Variants in PP2D1 observed in about 807,000 individuals in gnomAD.
PP2D1 encodes protein phosphatase 2C-like domain-containing protein 1.
In PP2D1, 25 loss-of-function variants were observed where a neutral mutation model predicts 30.2. That is an observed-to-expected ratio of 0.83 (90% CI 0.60 to 1.16). PP2D1 has a LOEUF of 1.16. Among genes scored for constraint, PP2D1 ranks in the 50% most tolerant of loss-of-function variants. PP2D1 has a pLI of 0.00. For synonymous variants in PP2D1, 260 were observed against 258.9 expected, an observed-to-expected ratio of 1.00 and a Z score of -0.04; for missense variants, 760 against 742.4, an observed-to-expected ratio of 1.02 and a Z score of -0.28.
chr3:19,987,826 A>C (rs1697061087), intron 2 of PP2D1, among the ~76,000 whole-genome samples: 1 of 152,234 alleles, frequency 6.6e-6, no homozygotes. Flanking sequence ...AAGCCATGGC[A>C]GAAGAACATA....
In PP2D1 at chr3:20,001,818, G is replaced by T. The variant is rs1328225310; in HGVS notation, c.302C>A (p.Pro101Gln). Residue 101 changes from proline (P) to glutamine (Q), a missense_variant, in exon 2 of 3, where the codon CCA (proline) becomes CAA (glutamine). This residue lies in a region of PP2D1 where 374 missense variants were observed against 388.8 expected (regional missense o/e 0.96). Coordinates refer to ENST00000389050, the MANE Select transcript of PP2D1 (RefSeq NM_001252657.2). Reference protein sequence around the residue: ...LGFQWMGRKKPQPSVIAVQRQ... With the variant: ...LGFQWMGRKKQQPSVIAVQRQ... The stretch of plus-strand genomic sequence containing the variant: ...CTGAACAGCAATCACTGAGGGCTGT[G>T]GTTTCTTTCTACCCATCCATTGGAA... The T allele has an allele frequency of 1.3e-6, 2 of 1,535,122 alleles. No individual in the cohort carries two copies. The highest frequency in any genetic ancestry group is 2.7e-5 in the African/African-American group (2 of 72,896).
At chr3:19,997,208 A>C (rs953190285) in intron 2 of PP2D1, among the ~76,000 whole-genome samples, 3 of 149,916 alleles carry the variant, frequency 2.0e-5, no homozygotes, top group African/African-American at 7.4e-5. Context: ...TATGATAAAT[A>C]GCCCACCGTG....
intron 2 of PP2D1, among the ~76,000 whole-genome samples, chr3:20,000,287 C>T (rs374839213): frequency 7.9e-5 from 12 of 152,056 alleles, no homozygotes; most frequent in South Asian, 4.2e-4. Flanking sequence ...TAAGACTAGA[C>T]GAGGAAATTA....
At chr3:19,995,323 A>C (rs2125141279) in intron 2 of PP2D1, among the ~76,000 whole-genome samples, 1 of 152,332 alleles carries the variant, frequency 6.6e-6, no homozygotes, top group Admixed American at 6.5e-5. Flanking sequence ...TGTAAGAGAT[A>C]CACAGAGTAG....
intron 1 of PP2D1, among the ~76,000 whole-genome samples, chr3:20,011,774 G>C (rs1004069686): frequency 1.3e-5 from 2 of 151,890 alleles, no homozygotes; most frequent in African/African-American, 2.4e-5. Context: ...ACTCCAGCCT[G>C]GGCAACAGAA....
chr3:20,000,329 A>G (rs750596676), intron 2 of PP2D1, among the ~76,000 whole-genome samples: 2 of 152,226 alleles, frequency 1.3e-5, no homozygotes, highest in Non-Finnish European at 2.9e-5. Flanking sequence ...AGTGGACACT[A>G]TCATTAATGA....
chr3:20,003,072 G>T (rs565588345), intron 1 of PP2D1, among the ~76,000 whole-genome samples: 1 of 151,468 alleles, frequency 6.6e-6, no homozygotes, highest in African/African-American at 2.4e-5. Flanking sequence ...AAAAAAAAAA[G>T]TATAGCAAAT....
downstream of PP2D1, among the ~76,000 whole-genome samples, chr3:19,980,481 CTT>C (rs1049473444): frequency 4.0e-5 from 6 of 148,782 alleles, no homozygotes; most frequent in African/African-American, 1.5e-4. Flanking sequence ...TGAAGGAACA[CTT>C]TGATAGATTA....
chr3:19,993,021 A>G (rs1359371000), intron 2 of PP2D1, among the ~76,000 whole-genome samples: 4 of 152,264 alleles, frequency 2.6e-5, no homozygotes, highest in East Asian at 1.9e-4. Context: ...TCCTGGCTAC[A>G]TAGCAAAACC....
intron 2 of PP2D1, among the ~76,000 whole-genome samples, chr3:19,987,604 T>C (rs761518470): frequency 2.6e-5 from 4 of 152,156 alleles, no homozygotes; most frequent in Non-Finnish European, 5.9e-5. Context: ...TTTACGTATT[T>C]AGGCTTAGAA....
At chr3:19,983,969 G>A, downstream of PP2D1, 1 of 616,222 alleles carries the variant, frequency 1.6e-6, no homozygotes, top group Non-Finnish European at 2.9e-6. Context: ...TATTTTAAGT[G>A]TTTTGAACTT....
chr3:19,997,877 G>A (rs1340012188), intron 2 of PP2D1, among the ~76,000 whole-genome samples: 1 of 152,034 alleles, frequency 6.6e-6, no homozygotes, highest in Non-Finnish European at 1.5e-5. Context: ...GACGGGGCAG[G>A]ACGAGATAAA....
chr3:20,010,538 C>A (rs1697372062), intron 1 of PP2D1, among the ~76,000 whole-genome samples: 1 of 151,960 alleles, frequency 6.6e-6, no homozygotes, highest in South Asian at 2.1e-4. Flanking sequence ...CGCAGTGGCT[C>A]ATGCTGTAAT....
At position 19,985,513 on chromosome 3, in the gene PP2D1, TTA is replaced by T. The variant is rs1491415921; in HGVS notation, c.1758_1759del (p.Lys587GlufsTer4). 8.5e-6 allele frequency: 13 copies of T among 1,536,112 alleles called. No individual in the cohort carries two copies. The highest frequency in any genetic ancestry group is 1.1e-5 in the Non-Finnish European group (13 of 1,146,856). On this transcript the variant is annotated frameshift_variant, in exon 3 of 3. Transcript: ENST00000389050. LOFTEE classifies it high-confidence loss of function. ...CTCAGCTGCGCCTTCATAGAAACTC[TTA>T]GTGTCTGATTCTTTTTCATTTGTTG...
At chr3:19,989,455 T>C (rs1697087473) in intron 2 of PP2D1, among the ~76,000 whole-genome samples, 1 of 152,216 alleles carries the variant, frequency 6.6e-6, no homozygotes, top group African/African-American at 2.4e-5. Flanking sequence ...GTGAAAAACA[T>C]TTTGGAAACT....
downstream of PP2D1, chr3:19,985,206 G>T: frequency 1.9e-6 from 1 of 539,134 alleles, no homozygotes; most frequent in African/African-American, 2.0e-5. Flanking sequence ...CTTTTTTTTG[G>T]CATAAAACAG....
Position 20,001,580 on chromosome 3 carries a change from T to C in PP2D1, c.540A>G (p.Thr180=). 1 of 1,536,378 alleles carries C rather than the reference T, an allele frequency of 6.5e-7. No individual in the cohort carries two copies. The highest frequency in any genetic ancestry group is 8.7e-7 in the Non-Finnish European group (1 of 1,146,954). Residue 180 remains threonine (T), a synonymous_variant, in exon 2 of 3, where the codon ACA becomes ACG. Coordinates refer to ENST00000389050, the MANE Select transcript of PP2D1 (RefSeq NM_001252657.2). Reference sequence around the variant, plus strand: ...ATTTATCATTCATGTCAGCTTTCCATGTAGAATTCCTGTCTTCACAAATGC... The same window carrying C: ...ATTTATCATTCATGTCAGCTTTCCACGTAGAATTCCTGTCTTCACAAATGC... ...GVGICEDRNS[T]WKADMNDKFT... is the part of the protein sequence containing the mutation.
chr3:19,985,355 T>C lies in PP2D1; in HGVS notation c.*25A>G, dbSNP rs1697012225. 2.1e-6 allele frequency: 3 copies of C among 1,456,096 alleles called. No homozygotes were observed. The highest frequency in any genetic ancestry group is 1.8e-6 in the Non-Finnish European group (2 of 1,088,504). 90.2% of individuals were successfully genotyped at this position (1,456,096 alleles called of 1,614,324 possible). On this transcript the variant is annotated 3_prime_UTR_variant, in exon 3 of 3. Coordinates refer to ENST00000389050, the MANE Select transcript of PP2D1 (RefSeq NM_001252657.2). ...GAAGAATCACTTTATATTTTGGTGC[T>C]CTGGATAATTGGAACTTTATTTTTT...
At chr3:19,988,006 A>G (rs1697063500) in intron 2 of PP2D1, among the ~76,000 whole-genome samples, 1 of 152,140 alleles carries the variant, frequency 6.6e-6, no homozygotes. Context: ...TAATCTCTTA[A>G]TCCTGTCATC....
Sources: gnomAD v4.1 joint callset for allele counts (sites outside exome capture counted in the v4.1 genomes callset) on GRCh38, gnomAD v4.1.1 for gene constraint, gnomAD v4.1.1 regional missense constraint, MANE v1.5 for transcripts, NCBI Gene and HGNC (gene_info 2026-07-23, HGNC 2026-07-21) for gene names.